Variants in SYPL2 observed in about 807,000 individuals in gnomAD.
The protein encoded by SYPL2 is synaptophysin-like protein 2.
SYPL2 carries 24 observed loss-of-function variants against 31.3 expected under a neutral mutation model. The observed-to-expected ratio is 0.77, with a 90% CI of 0.56 to 1.08. The LOEUF (loss-of-function observed/expected upper bound fraction) is 1.08. Among genes scored for constraint, SYPL2 ranks in the 50% least tolerant of loss-of-function variants. The pLI, the probability that SYPL2 is intolerant of heterozygous loss-of-function variation, is 0.00. For missense variants in SYPL2, 342 were observed against 360.1 expected (o/e 0.95, Z 0.41); for synonymous variants, 144 against 143.1 (o/e 1.01, Z -0.05).
Position 109,466,804 on chromosome 1 carries a change from G to A in SYPL2, c.-40G>A, listed in dbSNP as rs752371322. 3 of 1,504,524 alleles carry A rather than the reference G, an allele frequency of 2.0e-6. No individual in the cohort carries two copies. Among genetic ancestry groups the A allele is most frequent in the Non-Finnish European group, 1.8e-6 (2 of 1,134,716 alleles). The allele number at this position is 1,504,524 out of a possible 1,614,324, so 93.2% of individuals were successfully genotyped here. A position where few individuals can be genotyped will look rare whatever the true frequency, so the allele number is the denominator to read the frequency against. On this transcript the variant is annotated 5_prime_UTR_variant, in exon 1 of 6. Coordinates refer to ENST00000369872, the MANE Select transcript of SYPL2 (RefSeq NM_001040709.2). The stretch of plus-strand genomic sequence containing the variant: ...GTGTCCGCCGCCTCCCGGCCAGAGA[G>A]CCAAGCCACCACGCCGCGCCCAGCG...
At position 109,475,600 on chromosome 1, in the gene SYPL2, T is replaced by C. The variant is rs1487417279; in HGVS notation, c.149T>C (p.Phe50Ser). The C allele has an allele frequency of 1.9e-6, 3 of 1,614,104 alleles. No homozygotes were observed. Among genetic ancestry groups the C allele is most frequent in the Non-Finnish European group, 2.5e-6 (3 of 1,179,954 alleles). The change falls in exon 3 of 6, where the codon TTC becomes TCC. Residue 50 changes from phenylalanine to serine, a missense_variant. Coordinates refer to ENST00000369872, the MANE Select transcript of SYPL2 (RefSeq NM_001040709.2). The part of the protein sequence containing the change: ...VLQWLFAIFA[F>S]GSCGSYSGET... ...TCTCAGCTCTTTGCTATTTTCGCCT[T>C]CGGGTCCTGTGGCTCCTACAGCGGG...
At chr1:109,470,322 G>A (rs1048950581) in intron 2 of SYPL2, among the ~76,000 whole-genome samples, 1 of 152,218 alleles carries the variant, frequency 6.6e-6, no homozygotes, top group African/African-American at 2.4e-5. Context: ...ATAAGCGTGG[G>A]AGTAGGACCT....
At chr1:109,471,649 A>G (rs1655837789) in intron 2 of SYPL2, among the ~76,000 whole-genome samples, 1 of 152,086 alleles carries the variant, frequency 6.6e-6, no homozygotes, top group South Asian at 2.1e-4. Context: ...CCCTGACCTC[A>G]AGTGATTTGC....
chr1:109,477,346 ATAGT>A (rs1459583282), intron 4 of SYPL2, among the ~76,000 whole-genome samples: 12 of 152,218 alleles, frequency 7.9e-5, no homozygotes, highest in Admixed American at 5.2e-4. Flanking sequence ...TATCTAGTAC[ATAGT>A]TAGTCTCAAT....
intron 2 of SYPL2, among the ~76,000 whole-genome samples, chr1:109,470,439 C>T (rs1256017563): frequency 6.6e-6 from 1 of 152,182 alleles, no homozygotes; most frequent in Non-Finnish European, 1.5e-5. Flanking sequence ...CAAAGGGGAG[C>T]CTCATCCTTA....
rs141955556 is a variant in SYPL2, at chr1:109,475,848, T to G, written c.254+143T>G. 288 of 1,267,244 alleles carry G rather than the reference T, an allele frequency of 2.3e-4. 1 individual carries two copies. In the East Asian group the frequency reaches 6.0e-3, roughly 26 times the overall value. The allele number at this position is 1,267,244 out of a possible 1,614,324, so 78.5% of individuals were successfully genotyped here. A position where few individuals can be genotyped will look rare whatever the true frequency, so the allele number is the denominator to read the frequency against. The stretch of plus-strand genomic sequence containing the variant: ...AAATAGAATGACAAAACTTAGATCC[T>G]TTCTGCTTTTTAGCAATTTCAGACA... On this transcript the variant is annotated intron_variant, in intron 3 of 5. Transcript: ENST00000369872.
In SYPL2 at chr1:109,481,114, T is replaced by C. The variant is rs906072661; in HGVS notation, c.*1566T>C. 1 of 152,654 alleles carries C rather than the reference T, an allele frequency of 6.6e-6. No homozygotes were observed. The highest frequency in any genetic ancestry group is 1.5e-5 in the Non-Finnish European group (1 of 68,056). 9.5% of individuals were successfully genotyped at this position (152,654 alleles called of 1,614,324 possible). ...TCCTCACCTCTCTAAACACCATCCA[T>C]AGTAACATGTGCATTACTGGGGTAC... is the stretch of plus-strand genomic sequence containing the variant. On this transcript the variant is annotated 3_prime_UTR_variant, in exon 6 of 6. Coordinates refer to ENST00000369872, the MANE Select transcript of SYPL2 (RefSeq NM_001040709.2).
rs1656053885 is a variant in SYPL2 at position 109,477,984 on chromosome 1, C to T, written c.623C>T (p.Ser208Phe). The T allele has an allele frequency of 6.2e-7, 1 of 1,614,092 alleles. No homozygotes were observed. Among genetic ancestry groups the T allele is most frequent in the African/African-American group, 1.3e-5 (1 of 74,934 alleles). ...GTGTGCAGTGCCGGGGCCACGCCCT[C>T]TATGGGCCTGGCCAACATCTCCGTG... ...EAVCSAGATP[S>F]MGLANISVLF... Residue 208 changes from serine (S) to phenylalanine (F), a missense_variant, in exon 5 of 6, where the codon TCT (serine) becomes TTT (phenylalanine). Coordinates refer to ENST00000369872, the MANE Select transcript of SYPL2 (RefSeq NM_001040709.2).
chr1:109,475,459 G>A, intron 2 of SYPL2, 122 bp from the exon 3 acceptor site: 1 of 1,355,846 alleles, frequency 7.4e-7, no homozygotes, highest in Non-Finnish European at 9.9e-7. Context: ...CTTGATTAAA[G>A]GGGATCCTCA....
At chr1:109,468,805 CACA>C (rs1336008566) in intron 2 of SYPL2, among the ~76,000 whole-genome samples, 18 of 152,150 alleles carry the variant, frequency 1.2e-4, no homozygotes, top group Admixed American at 3.3e-4. Context: ...TCCAAATACC[CACA>C]ACATTTCTGT....
rs190893479 is a variant in SYPL2 at position 109,479,581 on chromosome 1, C to T, written c.*33C>T. 5.9e-5 allele frequency: 94 copies of T among 1,597,710 alleles called. No homozygotes were observed. The highest frequency in any genetic ancestry group is 5.1e-4 in the Admixed American group (30 of 58,882). On this transcript the variant is annotated 3_prime_UTR_variant, in exon 6 of 6. Transcript: ENST00000369872. ...CCCACCTGGCTATTCCCGAACTGGACAGCACCTCTTCAACCACCTCCGGCT... is the reference window on the plus strand; with the variant it reads ...CCCACCTGGCTATTCCCGAACTGGATAGCACCTCTTCAACCACCTCCGGCT...
chr1:109,474,934 A>G (rs1655950293), intron 2 of SYPL2, among the ~76,000 whole-genome samples: 1 of 152,208 alleles, frequency 6.6e-6, no homozygotes, highest in African/African-American at 2.4e-5. Context: ...AGCCAGCACT[A>G]TTGCTAGAAG....
rs143356555 is a variant in SYPL2, at chr1:109,480,077, T to A, written c.*529T>A. ...GATCTCCAGTCATCCCATGACTCAG[T>A]GTGCCTTCCACTGTCTTCTCTGGCC... is the stretch of plus-strand genomic sequence containing the variant. On this transcript the variant is annotated 3_prime_UTR_variant, in exon 6 of 6. Coordinates refer to ENST00000369872, the MANE Select transcript of SYPL2 (RefSeq NM_001040709.2). 265 of 153,994 alleles carry A rather than the reference T, an allele frequency of 1.7e-3. 3 individuals carry two copies. In the East Asian group the frequency reaches 0.02, roughly 12 times the overall value. The allele number at this position is 153,994 out of a possible 1,614,324, so 9.5% of individuals were successfully genotyped here. A position where few individuals can be genotyped will look rare whatever the true frequency, so the allele number is the denominator to read the frequency against.
chr1:109,477,005 G>T, intron 4 of SYPL2, 28 bp downstream of exon 4: 1 of 1,613,322 alleles, frequency 6.2e-7, no homozygotes, highest in East Asian at 2.2e-5. Context: ...AGAAGGAATG[G>T]GGTGGAGAAA....
rs1274923231 is a variant in SYPL2, at chr1:109,466,824, C to G, written c.-20C>G. 11 of 1,513,276 alleles carry G rather than the reference C, an allele frequency of 7.3e-6. 1 individual carries two copies. The South Asian group carries it at 1.3e-4, about 18-fold the overall frequency. The allele number at this position is 1,513,276 out of a possible 1,614,324, so 93.7% of individuals were successfully genotyped here. A position where few individuals can be genotyped will look rare whatever the true frequency, so the allele number is the denominator to read the frequency against. The stretch of plus-strand genomic sequence containing the variant: ...AGAGAGCCAAGCCACCACGCCGCGC[C>G]CAGCGCTCGCCGCGCCAGCATGTCC... On this transcript the variant is annotated 5_prime_UTR_variant, in exon 1 of 6. Transcript: ENST00000369872.
In SYPL2 at chr1:109,476,815, A is replaced by G; in HGVS notation, c.294A>G (p.Glu98=). 1 of 1,614,192 alleles carries G rather than the reference A, an allele frequency of 6.2e-7. No individual in the cohort carries two copies. Among genetic ancestry groups the G allele is most frequent in the Non-Finnish European group, 8.5e-7 (1 of 1,180,024 alleles). The change falls in exon 4 of 6, where the codon GAA becomes GAG. Residue 98 remains glutamate, a synonymous_variant. Transcript: ENST00000369872. ...AATATGAGATGCCCCTCTGCGATGA[A>G]GAGTCCAGCTCCAAGACCATGCACC... is the stretch of plus-strand genomic sequence containing the variant. ...RIQYEMPLCD[E]ESSSKTMHLM... is the part of the protein sequence containing the mutation.
chr1:109,469,370 G>GTT (rs35147535), intron 2 of SYPL2, among the ~76,000 whole-genome samples: 1 of 147,920 alleles, frequency 6.8e-6, no homozygotes. Flanking sequence ...TTATCTTAGA[G>GTT]TTTTTTTTTT....
chr1:109,473,180 G>GTT (rs904249610), intron 2 of SYPL2, among the ~76,000 whole-genome samples: 2 of 152,130 alleles, frequency 1.3e-5, no homozygotes, highest in African/African-American at 4.8e-5. Flanking sequence ...GTAAGTAAAG[G>GTT]GTAATGATGC....
At chr1:109,477,767 G>A (rs1237691835) in intron 4 of SYPL2, 51 bp from the exon 5 acceptor site, 1 of 1,542,756 alleles carries the variant, frequency 6.5e-7, no homozygotes, top group Non-Finnish European at 8.8e-7. Flanking sequence ...AAGAAGCAAG[G>A]GAATCATGGG....
Sources: allele counts gnomAD v4.1 joint callset (sites outside exome capture counted in the v4.1 genomes callset), GRCh38; gene constraint gnomAD v4.1.1; transcripts MANE v1.5; gene names NCBI Gene and HGNC (gene_info 2026-07-23, HGNC 2026-07-21).